The following DLG2 variants were observed in gnomAD, a reference collection of about 807,000 sequenced individuals.
DLG2 encodes the protein discs large MAGUK scaffold protein 2, also known as disks large homolog 2.
Under a neutral mutation model 132.5 loss-of-function variants are expected in DLG2, and 45 were observed. The ratio of observed to expected loss-of-function variants is 0.34; its 90% CI spans 0.27 to 0.44. The LOEUF is 0.44. DLG2 is among the 20% of genes least tolerant of loss of function. The probability of loss-of-function intolerance (pLI) is 1.00; values close to 1 mark genes in which losing one functional copy is unlikely to be tolerated. For synonymous variants in DLG2, 424 were observed against 419.6 expected, an observed-to-expected ratio of 1.01 and a Z score of -0.13; for missense variants, 1,045 against 1,196.9, an observed-to-expected ratio of 0.87 and a Z score of 1.87.
chr11:84,184,514 G>A (rs947225953), intron 8 of DLG2, among the ~76,000 whole-genome samples: 47 of 151,342 alleles, frequency 3.1e-4, no homozygotes, highest in African/African-American at 1.1e-3. Flanking sequence ...CTCCCATTCT[G>A]TAGGTTGCCT....
chr11:84,038,285 T>C (rs747312858), intron 11 of DLG2, among the ~76,000 whole-genome samples: 1 of 151,722 alleles, frequency 6.6e-6, no homozygotes, highest in Non-Finnish European at 1.5e-5. Context: ...TATAAGGAAG[T>C]TAAACAAATT....
chr11:85,360,190 G>C (rs570890432), intron 3 of DLG2, among the ~76,000 whole-genome samples: 3 of 152,144 alleles, frequency 2.0e-5, no homozygotes, highest in Non-Finnish European at 2.9e-5. Flanking sequence ...TGTCAGTTTA[G>C]AAAACAAGGG....
intron 6 of DLG2, among the ~76,000 whole-genome samples, chr11:84,893,913 T>C (rs1393992744): frequency 6.6e-6 from 1 of 152,186 alleles, no homozygotes; most frequent in African/African-American, 2.4e-5. Flanking sequence ...AGAAACAGCA[T>C]AGGCTTTAGG....
At chr11:84,920,696 T>G (rs940002061) in intron 6 of DLG2, among the ~76,000 whole-genome samples, 3 of 117,710 alleles carry the variant, frequency 2.5e-5, no homozygotes, top group African/African-American at 9.6e-5. Context: ...AGGAGTCATA[T>G]TCTGATGTTT....
chr11:85,543,135 C>G (rs547886024), intron 3 of DLG2, among the ~76,000 whole-genome samples: 1 of 152,292 alleles, frequency 6.6e-6, no homozygotes, highest in Admixed American at 6.5e-5. Flanking sequence ...TATCCCTCCC[C>G]TAGGCCCCCA....
chr11:84,439,838 ATTTTGT>A (rs887533324), intron 7 of DLG2, among the ~76,000 whole-genome samples: 2 of 152,210 alleles, frequency 1.3e-5, no homozygotes, highest in Non-Finnish European at 2.9e-5. Context: ...TGATTAGAAA[ATTTTGT>A]TTTTAACACC....
At chr11:84,251,554 A>C (rs1360361695) in intron 7 of DLG2, among the ~76,000 whole-genome samples, 1 of 152,082 alleles carries the variant, frequency 6.6e-6, no homozygotes, top group African/African-American at 2.4e-5. Flanking sequence ...ATTCTACAAA[A>C]CAATGCAGGA....
At chr11:85,349,005 ACTC>A (rs1385819551) in intron 3 of DLG2, among the ~76,000 whole-genome samples, 2 of 152,008 alleles carry the variant, frequency 1.3e-5, no homozygotes, top group African/African-American at 4.8e-5. Context: ...AACTGAATGG[ACTC>A]CTCCTCTCAG....
intron 9 of DLG2, among the ~76,000 whole-genome samples, chr11:84,117,416 T>C (rs967673398): frequency 5.3e-5 from 8 of 152,218 alleles, no homozygotes; most frequent in African/African-American, 1.7e-4. Flanking sequence ...AGTGGGAGAC[T>C]TGGTTTTCTA....
At chr11:84,205,303 T>C (rs2096651003) in intron 8 of DLG2, among the ~76,000 whole-genome samples, 3 of 152,170 alleles carry the variant, frequency 2.0e-5, no homozygotes, top group Admixed American at 2.0e-4. Context: ...TTGGAGACTT[T>C]AATATTCCTC....
intron 6 of DLG2, among the ~76,000 whole-genome samples, chr11:84,792,478 T>A (rs559750376): frequency 6.6e-6 from 1 of 152,312 alleles, no homozygotes; most frequent in South Asian, 2.1e-4. Context: ...TTCTTTTTTT[T>A]TGGAATACTT....
intron 8 of DLG2, among the ~76,000 whole-genome samples, chr11:84,172,902 GCAACTTTGGGTCTAGAAAAATAATCA>G (rs2095857006): frequency 6.6e-6 from 1 of 151,892 alleles, no homozygotes; most frequent in African/African-American, 2.4e-5. Flanking sequence ...TATAACACAC[GCAACTTTGGGTCTAGAAAAATAATCA>G]CAGACTTAAT....
Position 84,239,727 on chromosome 11 carries a change from C to T in DLG2, c.573+11511G>A, listed in dbSNP as rs17147070. Among the ~76,000 whole-genome samples, 1,128 of 152,152 alleles carry T rather than the reference C, an allele frequency of 7.4e-3. 11 individuals carry two copies. Among genetic ancestry groups the T allele is most frequent in the African/African-American group, 0.026 (1,068 of 41,508 alleles). On this transcript the variant is annotated intron_variant, in intron 8 of 27. Coordinates refer to ENST00000376104, the MANE Select transcript of DLG2 (RefSeq NM_001142699.3). ...GTAAAATGTTTGCAAGCGTGCTCCC[C>T]GATATGTGCTAGTCTGTATAGATAT...
intron 6 of DLG2, among the ~76,000 whole-genome samples, chr11:85,000,664 C>G (rs2058128233): frequency 6.6e-6 from 1 of 152,172 alleles, no homozygotes; most frequent in Non-Finnish European, 1.5e-5. Flanking sequence ...TGAGAATTGT[C>G]TGCTTCAGAA....
chr11:85,169,327 A>C (rs941467391), intron 4 of DLG2, among the ~76,000 whole-genome samples: 4 of 152,084 alleles, frequency 2.6e-5, no homozygotes, highest in African/African-American at 9.7e-5. Flanking sequence ...TGTAGGGGCA[A>C]AGGAAATTTT....
chr11:84,668,287 G>A (rs2099702036), intron 6 of DLG2, among the ~76,000 whole-genome samples: 1 of 152,084 alleles, frequency 6.6e-6, no homozygotes, highest in African/African-American at 2.4e-5. Context: ...AAAAGTTGCT[G>A]AATGGATTCT....
intron 6 of DLG2, among the ~76,000 whole-genome samples, chr11:84,712,489 A>G (rs2060557707): frequency 6.6e-6 from 1 of 151,954 alleles, no homozygotes; most frequent in African/African-American, 2.4e-5. Flanking sequence ...TATGAATTAT[A>G]TAAACTTCTA....
chr11:85,572,534 T>C (rs2077902604), intron 3 of DLG2, among the ~76,000 whole-genome samples: 1 of 152,290 alleles, frequency 6.6e-6, no homozygotes. Flanking sequence ...CCATTCCTTA[T>C]TTTCCCCAAA....
intron 6 of DLG2, among the ~76,000 whole-genome samples, chr11:84,907,307 T>C (rs2091621508): frequency 6.6e-6 from 1 of 152,140 alleles, no homozygotes; most frequent in South Asian, 2.1e-4. Context: ...GTATGAGTGA[T>C]TGAGAAAAAA....
Sources: allele counts gnomAD v4.1 joint callset (sites outside exome capture counted in the v4.1 genomes callset), GRCh38; gene constraint gnomAD v4.1.1; transcripts MANE v1.5; gene names NCBI Gene and HGNC (gene_info 2026-07-23, HGNC 2026-07-21).